Variants in DDX4 observed in about 807,000 individuals in gnomAD.
DDX4 encodes the protein probable ATP-dependent RNA helicase DDX4.
Under a neutral mutation model 100.0 loss-of-function variants are expected in DDX4, and 25 were observed. The ratio of observed to expected loss-of-function variants is 0.25; its 90% confidence interval spans 0.18 to 0.35. DDX4 has a LOEUF of 0.35. Ranked by LOEUF, DDX4 falls within the 10% of genes least tolerant of loss-of-function variation. The pLI, the probability that DDX4 is intolerant of heterozygous loss-of-function variation, is 1.00. For missense variants in DDX4, 635 were observed against 882.4 expected (o/e 0.72, Z 3.55); for synonymous variants, 259 against 275.7 (o/e 0.94, Z 0.60).
chr5:55,775,928 C>T (rs1052925726), intron 7 of DDX4, among the ~76,000 whole-genome samples: 1 of 152,090 alleles, frequency 6.6e-6, no homozygotes, highest in Non-Finnish European at 1.5e-5. Context: ...TGAGACCAAC[C>T]TGGCCAACAT....
intron 18 of DDX4, among the ~76,000 whole-genome samples, chr5:55,808,456 C>T (rs907549961): frequency 6.6e-6 from 1 of 152,042 alleles, no homozygotes; most frequent in Non-Finnish European, 1.5e-5. Flanking sequence ...TTTTATCTAC[C>T]TTTGGTCTTT....
chr5:55,762,000 C>T (rs918854425), intron 4 of DDX4, among the ~76,000 whole-genome samples: 4 of 152,170 alleles, frequency 2.6e-5, no homozygotes, highest in East Asian at 1.9e-4. Flanking sequence ...CTTAAAATAT[C>T]GACTAGCTTG....
At chr5:55,808,547 C>T (rs1008205539) in intron 18 of DDX4, among the ~76,000 whole-genome samples, 1 of 152,248 alleles carries the variant, frequency 6.6e-6, no homozygotes, top group Non-Finnish European at 1.5e-5. Flanking sequence ...TCAGCACCCT[C>T]AGCTGCAGGT....
intron 7 of DDX4, among the ~76,000 whole-genome samples, chr5:55,769,330 A>G (rs1270780002): frequency 6.6e-6 from 1 of 152,128 alleles, no homozygotes. Context: ...AATCTTCTGC[A>G]TATGGCTAGC....
At position 55,802,163 on chromosome 5, in the gene DDX4, T is replaced by G. The variant is rs139988730; in HGVS notation, c.1615+3592T>G. ...TGGACAGGTAACTTGTCCACTTATA[T>G]CTTGGTTAAAGGAGGCAGACAGATT... On this transcript the variant is annotated intron_variant, in intron 18 of 21. Transcript: ENST00000505374. Among the ~76,000 whole-genome samples, 621 of 152,284 alleles carry G rather than the reference T, an allele frequency of 4.1e-3. 5 individuals are homozygous for G. Among genetic ancestry groups the G allele is most frequent in the African/African-American group, 0.014 (598 of 41,554 alleles).
At chr5:55,782,030 C>A in intron 10 of DDX4, 49 bp downstream of exon 10, 1 of 1,601,096 alleles carries the variant, frequency 6.2e-7, no homozygotes. Context: ...CATTGTATTC[C>A]AAATTTAATT....
intron 7 of DDX4, among the ~76,000 whole-genome samples, chr5:55,778,215 A>C (rs112097091): frequency 6.6e-6 from 1 of 152,162 alleles, no homozygotes; most frequent in Non-Finnish European, 1.5e-5. Context: ...ATAACAGTTC[A>C]TATGGAAATC....
chr5:55,807,438 C>T (rs1391225149), intron 18 of DDX4, among the ~76,000 whole-genome samples: 2 of 152,296 alleles, frequency 1.3e-5, no homozygotes, highest in East Asian at 3.9e-4. Context: ...TACAATTTGG[C>T]ATGTTTTTGC....
intron 17 of DDX4, among the ~76,000 whole-genome samples, chr5:55,795,375 G>A (rs985551823): frequency 2.0e-5 from 3 of 152,014 alleles, no homozygotes; most frequent in Admixed American, 6.6e-5. Context: ...CCTTTTTCCC[G>A]TTTTCTTTAT....
chr5:55,759,069 T>C (rs1760128301), intron 3 of DDX4, among the ~76,000 whole-genome samples: 1 of 151,882 alleles, frequency 6.6e-6, no homozygotes, highest in Non-Finnish European at 1.5e-5. Context: ...AATTTTTTTT[T>C]TGGTAGAGAT....
At chr5:55,807,860 G>A (rs1743844673) in intron 18 of DDX4, among the ~76,000 whole-genome samples, 1 of 152,184 alleles carries the variant, frequency 6.6e-6, no homozygotes, top group Non-Finnish European at 1.5e-5. Flanking sequence ...GAATTTGAAT[G>A]TTGGCCTGCC....
chr5:55,815,520 G>A (rs3815767), intron 21 of DDX4, 97 bp downstream of exon 21: 120,053 of 1,397,794 alleles, frequency 0.086, 7,927 homozygotes, highest in Admixed American at 0.33. Context: ...TAATAATCAA[G>A]CCATTGTTTT....
At chr5:55,816,089 A>C (rs147758924) in intron 21 of DDX4, among the ~76,000 whole-genome samples, 124 of 152,164 alleles carry the variant, frequency 8.1e-4, no homozygotes, top group African/African-American at 2.8e-3. Context: ...CCCAGCCACG[A>C]GGCTACAAGT....
chr5:55,811,669 T>C (rs1744129609), intron 18 of DDX4, among the ~76,000 whole-genome samples: 1 of 152,204 alleles, frequency 6.6e-6, no homozygotes, highest in Non-Finnish European at 1.5e-5. Flanking sequence ...TAATTATATC[T>C]TTTAATCATA....
At chr5:55,768,060 T>G in intron 7 of DDX4, 120 bp downstream of exon 7, 1 of 890,482 alleles carries the variant, frequency 1.1e-6, no homozygotes. Context: ...AAAAATACTT[T>G]GGTATATGTT....
At chr5:55,800,278 A>G (rs1743211792) in intron 18 of DDX4, among the ~76,000 whole-genome samples, 1 of 151,418 alleles carries the variant, frequency 6.6e-6, no homozygotes, top group Non-Finnish European at 1.5e-5. Context: ...TGAGCACTAT[A>G]TGGTTTTGCT....
chr5:55,792,123 CAAAAAAAA>C (rs35635463), intron 16 of DDX4, among the ~76,000 whole-genome samples: 3 of 52,062 alleles, frequency 5.8e-5, no homozygotes, highest in Non-Finnish European at 7.6e-5. Flanking sequence ...GACTCCTTCT[CAAAAAAAA>C]AAAAAAAAAA....
In DDX4 at chr5:55,781,564, G is replaced by A. The variant is rs186910816; in HGVS notation, c.578-370G>A. ...GGCTGAGGCAGGTGGATCACTTGAG[G>A]CCAGGAGTTCGACACCAGCGTGGCC... On this transcript the variant is annotated intron_variant, in intron 9 of 21. Transcript: ENST00000505374. Among the ~76,000 whole-genome samples the A allele has an allele frequency of 6.8e-4, 103 of 152,092 alleles. 2 individuals are homozygous for A. Among genetic ancestry groups the A allele is most frequent in the Non-Finnish European group, 7.4e-5 (5 of 67,970 alleles).
intron 17 of DDX4, among the ~76,000 whole-genome samples, chr5:55,797,827 T>C (rs1185349807): frequency 2.0e-5 from 3 of 152,228 alleles, no homozygotes; most frequent in Admixed American, 2.0e-4. Flanking sequence ...ACACCTATCC[T>C]GATTCCGCTA....
Sources: allele counts gnomAD v4.1 joint callset (sites outside exome capture counted in the v4.1 genomes callset), GRCh38; gene constraint gnomAD v4.1.1; transcripts MANE v1.5; gene names NCBI Gene and HGNC (gene_info 2026-07-23, HGNC 2026-07-21).